The following VIM variants were observed in gnomAD, a reference collection of about 807,000 sequenced individuals.
VIM encodes vimentin.
In VIM, 18 loss-of-function variants were observed where a neutral mutation model predicts 50.3. The observed-to-expected ratio is 0.36, with a 90% CI of 0.25 to 0.53. The LOEUF (loss-of-function observed/expected upper bound fraction) is 0.53. VIM is among the 20% of genes least tolerant of loss of function. VIM has a pLI of 0.91. For synonymous variants in VIM, 245 were observed against 248.5 expected, an observed-to-expected ratio of 0.99 and a Z score of 0.13; for missense variants, 551 against 614.7, an observed-to-expected ratio of 0.90 and a Z score of 1.10.
Position 17,237,518 on chromosome 10 carries a change from C to A in VIM, c.*247C>A. ...ACTTTTTAAAAGGTATTTTGAATAC[C>A]ATTAAAACTGCTTTTTTTTTTCCAG... On this transcript the variant is annotated 3_prime_UTR_variant, in exon 10 of 10. Transcript: ENST00000544301. The A allele has an allele frequency of 2.2e-6, 1 of 452,778 alleles. No individual in the cohort carries two copies. Among genetic ancestry groups the A allele is most frequent in the Non-Finnish European group, 3.9e-6 (1 of 255,370 alleles). 28.0% of individuals were successfully genotyped at this position (452,778 alleles called of 1,614,324 possible). A position where few individuals can be genotyped will look rare whatever the true frequency, so the allele number is the denominator to read the frequency against.
chr10:17,229,203 G>A lies in VIM; in HGVS notation c.-147-73G>A, dbSNP rs1846733487. ...GTCCCTATTGGCTGGCGCGCTCCGC[G>A]GCTGGGATGGCAGTGGGAGGGGACC... On this transcript the variant is annotated intron_variant, in intron 1 of 9. Transcript: ENST00000544301. 8.9e-6 allele frequency: 3 copies of A among 335,764 alleles called. No individual in the cohort carries two copies. In the East Asian group the frequency reaches 2.5e-4, roughly 27 times the overall value. The allele number at this position is 335,764 out of a possible 1,614,324, so 20.8% of individuals were successfully genotyped here.
chr10:17,237,213 T>G lies in VIM; in HGVS notation c.1360-17T>G, dbSNP rs764183925. 31 of 1,359,364 alleles carry G rather than the reference T, an allele frequency of 2.3e-5. No homozygotes were observed. In the African/African-American group the frequency reaches 2.4e-4, roughly 10 times the overall value. 84.2% of individuals were successfully genotyped at this position (1,359,364 alleles called of 1,614,324 possible). On this transcript the variant is annotated splice_polypyrimidine_tract_variant and intron_variant, in intron 9 of 9. Transcript: ENST00000544301. Reference sequence around the variant, plus strand: ...GCATGTGGCATTATATTTATTTTGGTTTTTTTTTTTAAACAGGTTATCAAC... The same window carrying G: ...GCATGTGGCATTATATTTATTTTGGGTTTTTTTTTTAAACAGGTTATCAAC...
In VIM at chr10:17,237,300, A is replaced by G. The variant is rs1846909585; in HGVS notation, c.*29A>G. 1.3e-6 allele frequency: 2 copies of G among 1,596,282 alleles called. No individual in the cohort carries two copies. The highest frequency in any genetic ancestry group is 1.7e-5 in the Admixed American group (1 of 58,844). ...TTGCACACACTCAGTGCAGCAATAT[A>G]TTACCAGCAAGAATAAAAAAGAAAT... On this transcript the variant is annotated 3_prime_UTR_variant, in exon 10 of 10. Coordinates refer to ENST00000544301, the MANE Select transcript of VIM (RefSeq NM_003380.5).
In VIM at chr10:17,235,336, C is replaced by T; in HGVS notation, c.1176C>T (p.Ala392=). 1 of 1,614,152 alleles carries T rather than the reference C, an allele frequency of 6.2e-7. No individual in the cohort carries two copies. Among genetic ancestry groups the T allele is most frequent in the Non-Finnish European group, 8.5e-7 (1 of 1,180,040 alleles). The part of the protein sequence containing the change: ...EYQDLLNVKM[A]LDIEIATYRK... ...AAGACCTGCTCAATGTTAAGATGGC[C>T]CTTGACATTGAGATTGCCACCTACA... Residue 392 remains alanine (A), a synonymous_variant, in exon 7 of 10, where the codon GCC becomes GCT. Coordinates refer to ENST00000544301, the MANE Select transcript of VIM (RefSeq NM_003380.5).
At chr10:17,235,006 T>C in intron 6 of VIM, 163 bp from the exon 7 acceptor site, 1 of 1,161,712 alleles carries the variant, frequency 8.6e-7, no homozygotes, top group Non-Finnish European at 1.3e-6. Context: ...GCCTATATCA[T>C]TGCTTCTAAT....
chr10:17,234,059 T>A, intron 5 of VIM, 128 bp downstream of exon 5: 1 of 1,260,110 alleles, frequency 7.9e-7, no homozygotes, highest in Non-Finnish European at 1.1e-6. Flanking sequence ...TTGCTCATAT[T>A]GTGTTTGCCA....
chr10:17,230,678 G>A lies in VIM; in HGVS notation c.592G>A (p.Glu198Lys), dbSNP rs1406182336. 2.5e-6 allele frequency: 4 copies of A among 1,614,150 alleles called. No individual in the cohort carries two copies. The highest frequency in any genetic ancestry group is 3.4e-6 in the Non-Finnish European group (4 of 1,180,034). The change falls in exon 3 of 10, where the codon GAA becomes AAA. Residue 198 changes from glutamate to lysine, a missense_variant. Physicochemically the swap from Glu to Lys is moderately conservative, Grantham distance 56. Around this residue, in one of 3 missense-constraint regions of VIM, gnomAD observed 394 missense variants for 437.5 expected, o/e 0.90. Transcript: ENST00000544301. ...GCAGGAGGAGATGCTTCAGAGAGAG[G>A]AAGCCGAAAACACCCTGCAATCTTT... ...KLQEEMLQRE[E>K]AENTLQSFRQ... is the part of the protein sequence containing the mutation.
chr10:17,233,238 A>G (rs190687937), intron 3 of VIM: 72 of 334,956 alleles, frequency 2.1e-4, no homozygotes, highest in African/African-American at 1.4e-3. Flanking sequence ...ATAAGCCACC[A>G]TGACCAGCCT....
chr10:17,230,768 G>A lies in VIM; in HGVS notation c.624+58G>A, dbSNP rs1398434620. 9 of 1,605,000 alleles carry A rather than the reference G, an allele frequency of 5.6e-6. No individual in the cohort carries two copies. In the East Asian group the frequency reaches 1.3e-4, roughly 24 times the overall value. ...TGACCCCACCCAACACAACCCACGA[G>A]CAATTCTAAAAGTTGCTTAACTCAC... On this transcript the variant is annotated intron_variant, in intron 3 of 9. Transcript: ENST00000544301.
intron 9 of VIM, 90 bp downstream of exon 9, chr10:17,236,469 G>T: frequency 9.0e-7 from 1 of 1,116,796 alleles, no homozygotes; most frequent in South Asian, 1.2e-5. Context: ...GATACAGCTG[G>T]CTAATTTGAG....
chr10:17,228,986 C>A (rs549793152), intron 1 of VIM: 7 of 239,252 alleles, frequency 2.9e-5, no homozygotes, highest in East Asian at 1.3e-4. Flanking sequence ...CCAGGCGGAC[C>A]CCCCCCTCAC....
intron 2 of VIM, 38 bp downstream of exon 2, chr10:17,230,023 G>T (rs753954292): frequency 1.3e-5 from 20 of 1,569,880 alleles, no homozygotes; most frequent in Non-Finnish European, 1.6e-5. Flanking sequence ...GGCCTCGGGA[G>T]GGGGCTGGAG....
intron 6 of VIM, 63 bp from the exon 7 acceptor site, chr10:17,235,106 G>T (rs1439272554): frequency 1.5e-5 from 23 of 1,579,060 alleles, no homozygotes; most frequent in Non-Finnish European, 1.7e-5. Context: ...GTCTGTAAAT[G>T]GTTCTGGGAA....
intron 2 of VIM, 103 bp from the exon 3 acceptor site, chr10:17,230,547 C>A: frequency 7.6e-7 from 1 of 1,319,118 alleles, no homozygotes; most frequent in Non-Finnish European, 1.1e-6. Flanking sequence ...GGAGGTGGCG[C>A]AGCTGCTCTG....
In VIM at chr10:17,237,461, A is replaced by C; in HGVS notation, c.*190A>C. On this transcript the variant is annotated 3_prime_UTR_variant, in exon 10 of 10. Coordinates refer to ENST00000544301, the MANE Select transcript of VIM (RefSeq NM_003380.5). ...GATTTAGAAAAAAGTTTACAACATA[A>C]TCTAGTTTACAGAAAAATCTTGTGC... 1 of 584,372 alleles carries C rather than the reference A, an allele frequency of 1.7e-6. No individual in the cohort carries two copies. The highest frequency in any genetic ancestry group is 4.6e-4 in the Middle Eastern group (1 of 2,188). The allele number at this position is 584,372 out of a possible 1,614,324, so 36.2% of individuals were successfully genotyped here. A position where few individuals can be genotyped will look rare whatever the true frequency, so the allele number is the denominator to read the frequency against.
rs759185945 is a variant in VIM at position 17,235,829 on chromosome 10, T to C, written c.1230-17T>C. On this transcript the variant is annotated splice_polypyrimidine_tract_variant and intron_variant, in intron 7 of 9. Transcript: ENST00000544301. ...TATTTGCCAACAATTTTACTGTTTCTCTTCATCTGTTTATAGGATTTCTCT... is the reference window on the plus strand; with the variant it reads ...TATTTGCCAACAATTTTACTGTTTCCCTTCATCTGTTTATAGGATTTCTCT... The C allele has an allele frequency of 8.1e-6, 13 of 1,613,244 alleles. No individual in the cohort carries two copies. The highest frequency in any genetic ancestry group is 1.6e-4 in the Middle Eastern group (1 of 6,084).
chr10:17,229,395 G>T lies in VIM; in HGVS notation c.-28G>T, dbSNP rs766395068. 2.5e-6 allele frequency: 4 copies of T among 1,581,048 alleles called. No homozygotes were observed. The highest frequency in any genetic ancestry group is 1.7e-6 in the Non-Finnish European group (2 of 1,169,900). On this transcript the variant is annotated 5_prime_UTR_variant, in exon 2 of 10. Coordinates refer to ENST00000544301, the MANE Select transcript of VIM (RefSeq NM_003380.5). ...GGAGCCAGTCCGCGCCACCGCCGCC[G>T]CCCAGGCCATCGCCACCCTCCGCAG... is the stretch of plus-strand genomic sequence containing the variant.
At chr10:17,234,843 G>A in intron 6 of VIM, 25 bp downstream of exon 6, 1 of 1,614,036 alleles carries the variant, frequency 6.2e-7, no homozygotes, top group East Asian at 2.2e-5. Flanking sequence ...TGCAGTAAAA[G>A]AGGGAAAATA....
chr10:17,234,687 C>G lies in VIM; in HGVS notation c.883-6C>G, dbSNP rs1272687268. ...GCAATCTACATTTCTGTTTTCTTCC[C>G]AACAGTTTGCTGACCTCTCTGAGGC... On this transcript the variant is annotated splice_polypyrimidine_tract_variant and splice_region_variant and intron_variant, in intron 5 of 9. Coordinates refer to ENST00000544301, the MANE Select transcript of VIM (RefSeq NM_003380.5). The G allele has an allele frequency of 6.2e-7, 1 of 1,613,804 alleles. No individual in the cohort carries two copies.
Sources: allele counts gnomAD v4.1 joint callset, GRCh38; gene constraint gnomAD v4.1.1; regional missense constraint gnomAD v4.1.1; transcripts MANE v1.5; gene names NCBI Gene and HGNC (gene_info 2026-07-23, HGNC 2026-07-21).